Variants in PLEKHG1 observed in about 807,000 individuals in gnomAD.
PLEKHG1 encodes pleckstrin homology domain-containing family G member 1.
Under a neutral mutation model 100.8 loss-of-function variants are expected in PLEKHG1, and 44 were observed. The observed-to-expected ratio is 0.44, with a 90% CI of 0.34 to 0.56. PLEKHG1 has a LOEUF of 0.56. Among genes scored for constraint, PLEKHG1 ranks in the 20% least tolerant of loss-of-function variants. The probability of loss-of-function intolerance (pLI) is 0.01; values close to 1 mark genes in which losing one functional copy is unlikely to be tolerated. For missense variants in PLEKHG1, 1,545 were observed against 1,720.9 expected (o/e 0.90, Z 1.81); for synonymous variants, 640 against 662.5 (o/e 0.97, Z 0.52).
intron 2 of PLEKHG1, among the ~76,000 whole-genome samples, chr6:150,639,309 T>C (rs1395094870): frequency 6.6e-6 from 1 of 152,206 alleles, no homozygotes; most frequent in Non-Finnish European, 1.5e-5. Flanking sequence ...TATTTCTCTA[T>C]TTTTCTTTTT....
chr6:150,820,878 T>C (rs1281922382), intron 12 of PLEKHG1, among the ~76,000 whole-genome samples: 1 of 152,066 alleles, frequency 6.6e-6, no homozygotes, highest in Non-Finnish European at 1.5e-5. Context: ...AAAAAGAATG[T>C]ACAATTGAAC....
At chr6:150,750,106 T>C (rs13201855) in intron 2 of PLEKHG1, among the ~76,000 whole-genome samples, 23,617 of 148,680 alleles carry the variant, frequency 0.16, 3,712 homozygotes, top group African/African-American at 0.39. Context: ...GAAGAACATT[T>C]TTACTTCAAA....
chr6:150,660,765 A>T (rs1341045240), intron 3 of PLEKHG1, among the ~76,000 whole-genome samples: 1 of 152,246 alleles, frequency 6.6e-6, no homozygotes. Flanking sequence ...AACAAGTTGT[A>T]GGTAAGTCTC....
At chr6:150,842,670 T>A (rs1777575614) in exon 16 of PLEKHG1, 1 of 152,174 alleles carries the variant, frequency 6.6e-6, no homozygotes, top group Non-Finnish European at 1.5e-5. Context: ...GATGAAATGA[T>A]CAAAAAAGAT....
intron 3 of PLEKHG1, among the ~76,000 whole-genome samples, chr6:150,694,948 C>T (rs1354729786): frequency 6.6e-6 from 1 of 152,176 alleles, no homozygotes; most frequent in Non-Finnish European, 1.5e-5. Flanking sequence ...TCTGCATAAA[C>T]ATTCCCCCTG....
chr6:150,757,828 G>A (rs1783929405), intron 2 of PLEKHG1, among the ~76,000 whole-genome samples: 1 of 152,160 alleles, frequency 6.6e-6, no homozygotes, highest in Non-Finnish European at 1.5e-5. Context: ...ATATTCATTA[G>A]CTATTCTTCC....
At chr6:150,681,991 T>C (rs1420260017) in intron 3 of PLEKHG1, among the ~76,000 whole-genome samples, 1 of 152,176 alleles carries the variant, frequency 6.6e-6, no homozygotes, top group Non-Finnish European at 1.5e-5. Context: ...CTAAAAAGCC[T>C]ATTAACACAA....
chr6:150,675,952 C>A (rs1779738466), intron 3 of PLEKHG1, among the ~76,000 whole-genome samples: 1 of 152,076 alleles, frequency 6.6e-6, no homozygotes, highest in Admixed American at 6.6e-5. Flanking sequence ...AAAATAGTTA[C>A]TAATACAAGA....
intron 1 of PLEKHG1, among the ~76,000 whole-genome samples, chr6:150,636,474 T>C (rs1489859160): frequency 1.5e-5 from 1 of 64,962 alleles, no homozygotes; most frequent in Non-Finnish European, 3.0e-5. Context: ...GCTCAGTTGG[T>C]CCCTTTTTTT....
intron 3 of PLEKHG1, among the ~76,000 whole-genome samples, chr6:150,676,292 C>A (rs1320989988): frequency 6.6e-6 from 1 of 152,088 alleles, no homozygotes; most frequent in East Asian, 1.9e-4. Flanking sequence ...ATAAGTGGTC[C>A]AAGGATAAAA....
chr6:150,727,979 A>G (rs552090148), intron 1 of PLEKHG1, among the ~76,000 whole-genome samples: 1 of 152,334 alleles, frequency 6.6e-6, no homozygotes, highest in South Asian at 2.1e-4. Flanking sequence ...CTTGCCCTAC[A>G]GATTTTTATC....
chr6:150,606,860 A>G (rs1776622763), intron 1 of PLEKHG1, among the ~76,000 whole-genome samples: 1 of 152,014 alleles, frequency 6.6e-6, no homozygotes, highest in Admixed American at 6.6e-5. Context: ...TCCTTCTGGA[A>G]TCTGTTCCTT....
intron 2 of PLEKHG1, among the ~76,000 whole-genome samples, chr6:150,740,158 C>T (rs1782774260): frequency 6.6e-6 from 1 of 152,232 alleles, no homozygotes; most frequent in Non-Finnish European, 1.5e-5. Flanking sequence ...TGTGAGATGT[C>T]TGTGACTTGG....
exon 16 of PLEKHG1, chr6:150,840,768 C>A (rs368137222): frequency 6.2e-7 from 1 of 1,614,140 alleles, no homozygotes; most frequent in Non-Finnish European, 8.5e-7. Context: ...TTCACCATAT[C>A]TGACACCATA....
chr6:150,600,746 C>CG lies in PLEKHG1; in HGVS notation c.-204+730dup, dbSNP rs1011245258. ...CCCGAGCTCGCCCCTTTTGTGTCCT[C>CG]GCGGTGAGCCCCGTTCCGAAGCCGG... On this transcript the variant is annotated intron_variant, in intron 1 of 3. Coordinates refer to the PLEKHG1 transcript ENST00000367326. This position sits in a 1 kb window ranked among gnomAD's most constrained non-coding sequence, Gnocchi z 6.2. 4.6e-5 allele frequency: 7 copies of CG among 152,308 alleles called. No individual in the cohort carries two copies. The highest frequency in any genetic ancestry group is 1.4e-4 in the African/African-American group (6 of 41,466). The allele number at this position is 152,308 out of a possible 1,614,324, so 9.4% of individuals were successfully genotyped here.
At chr6:150,775,607 G>C (rs1227340891) in intron 3 of PLEKHG1, among the ~76,000 whole-genome samples, 2 of 152,200 alleles carry the variant, frequency 1.3e-5, no homozygotes, top group Admixed American at 6.5e-5. Context: ...CTTTGTGAAT[G>C]CTGAGGAATG....
intron 3 of PLEKHG1, among the ~76,000 whole-genome samples, chr6:150,715,019 G>A (rs765508108): frequency 5.3e-5 from 8 of 151,384 alleles, no homozygotes; most frequent in East Asian, 1.9e-4. Flanking sequence ...GGCTGGTCTC[G>A]AACTCCTGGC....
chr6:150,780,137 ATT>A (rs772671634), intron 3 of PLEKHG1, among the ~76,000 whole-genome samples: 33 of 135,484 alleles, frequency 2.4e-4, no homozygotes, highest in Non-Finnish European at 2.3e-4. Flanking sequence ...CTTTTCTTTA[ATT>A]TTTTTTTTTT....
At chr6:150,681,609 T>C (rs1779935609) in intron 3 of PLEKHG1, among the ~76,000 whole-genome samples, 1 of 152,152 alleles carries the variant, frequency 6.6e-6, no homozygotes, top group Non-Finnish European at 1.5e-5. Context: ...GAGAATTCTA[T>C]ATACACAGAT....
Sources: gnomAD v4.1 joint callset for allele counts (sites outside exome capture counted in the v4.1 genomes callset) on GRCh38, gnomAD v4.1.1 for gene constraint, Gnocchi (gnomAD v3.1) non-coding constraint, MANE v1.5 for transcripts, NCBI Gene and HGNC (gene_info 2026-07-23, HGNC 2026-07-21) for gene names.